Variants in RAD17 observed in about 807,000 individuals in gnomAD.
The protein encoded by RAD17 is RAD17 checkpoint clamp loader component, also known as cell cycle checkpoint protein RAD17.
Under a neutral mutation model 81.5 loss-of-function variants are expected in RAD17, and 31 were observed. The ratio of observed to expected loss-of-function variants is 0.38; its 90% CI spans 0.29 to 0.51. The LOEUF (loss-of-function observed/expected upper bound fraction) is 0.51. Among genes scored for constraint, RAD17 ranks in the 20% least tolerant of loss-of-function variants. RAD17 has a pLI of 0.88. For synonymous variants in RAD17, 261 were observed against 266.2 expected (o/e 0.98, Z 0.19); for missense variants, 681 against 781.2 (o/e 0.87, Z 1.53).
intron 17 of RAD17, among the ~76,000 whole-genome samples, chr5:69,404,927 G>T (rs952787703): frequency 3.9e-5 from 6 of 152,082 alleles, no homozygotes. Context: ...GGGACAGAGT[G>T]AGATGCTGTC....
rs1430991068 is a variant in RAD17 at position 69,414,630 on chromosome 5, T to C, written c.*338T>C. ...AAACGTTATTGGGGGGTTGTAAATA[T>C]CAACTATTCAACAGTTTAGGATGCA... is the stretch of plus-strand genomic sequence containing the variant. On this transcript the variant is annotated 3_prime_UTR_variant, in exon 19 of 19. Coordinates refer to ENST00000354868, the MANE Select transcript of RAD17 (RefSeq NM_133338.3). 3 of 339,322 alleles carry C rather than the reference T, an allele frequency of 8.8e-6. No homozygotes were observed. Among genetic ancestry groups the C allele is most frequent in the South Asian group, 7.6e-5 (2 of 26,378 alleles). The allele number at this position is 339,322 out of a possible 1,614,324, so 21.0% of individuals were successfully genotyped here. A position where few individuals can be genotyped will look rare whatever the true frequency, so the allele number is the denominator to read the frequency against.
At chr5:69,411,869 A>G (rs1401871674) in intron 18 of RAD17, among the ~76,000 whole-genome samples, 2 of 152,224 alleles carry the variant, frequency 1.3e-5, no homozygotes, top group Non-Finnish European at 2.9e-5. Context: ...AGTTGCTGCA[A>G]TTTACACAAG....
At chr5:69,376,733 G>C (rs980462450) in intron 6 of RAD17, among the ~76,000 whole-genome samples, 8 of 150,176 alleles carry the variant, frequency 5.3e-5, no homozygotes, top group Non-Finnish European at 8.9e-5. Flanking sequence ...TGGTGTTTTA[G>C]TTGCTTTGAT....
intron 4 of RAD17, among the ~76,000 whole-genome samples, chr5:69,373,299 G>T (rs1029092016): frequency 1.3e-5 from 2 of 152,072 alleles, no homozygotes; most frequent in African/African-American, 4.8e-5. Flanking sequence ...AAATAAGTTT[G>T]TGTTCTTTAC....
intron 16 of RAD17, 134 bp downstream of exon 16, chr5:69,396,680 A>G: frequency 9.7e-7 from 1 of 1,033,026 alleles, no homozygotes. Context: ...ATAGTTGCTA[A>G]GGTCCACAAT....
chr5:69,375,882 C>T (rs943222320), intron 6 of RAD17, among the ~76,000 whole-genome samples: 1 of 151,408 alleles, frequency 6.6e-6, no homozygotes, highest in African/African-American at 2.4e-5. Flanking sequence ...TTTCTTTTCT[C>T]CAAGGCACTG....
chr5:69,381,474 C>T (rs1253169124), intron 6 of RAD17, among the ~76,000 whole-genome samples: 3 of 149,742 alleles, frequency 2.0e-5, no homozygotes, highest in African/African-American at 7.4e-5. Context: ...GAGCAAGACT[C>T]GTCTCAAAAA....
chr5:69,402,406 C>A (rs995438926), intron 17 of RAD17, among the ~76,000 whole-genome samples: 2 of 151,012 alleles, frequency 1.3e-5, no homozygotes, highest in Non-Finnish European at 2.9e-5. Context: ...TGGTTCACGC[C>A]TGTAATCCCA....
intron 17 of RAD17, among the ~76,000 whole-genome samples, chr5:69,407,164 A>T (rs1765656702): frequency 1.3e-5 from 2 of 151,728 alleles, no homozygotes; most frequent in African/African-American, 4.8e-5. Context: ...CACCACACCC[A>T]GCTAATTTTT....
intron 13 of RAD17, among the ~76,000 whole-genome samples, 163 bp downstream of exon 13, chr5:69,392,176 G>A (rs965760121): frequency 2.6e-5 from 4 of 152,210 alleles, no homozygotes; most frequent in Non-Finnish European, 4.4e-5. Context: ...TAGGAAATCA[G>A]AATATTTTCT....
At chr5:69,389,211 T>C (rs1276821474) in intron 12 of RAD17, 66 bp downstream of exon 12, 3 of 980,884 alleles carry the variant, frequency 3.1e-6, no homozygotes, top group Non-Finnish European at 4.5e-6. Context: ...ATTCATTCAA[T>C]GAAATCAAAC....
intron 17 of RAD17, among the ~76,000 whole-genome samples, chr5:69,409,277 G>T (rs1264066458): frequency 6.6e-6 from 1 of 152,150 alleles, no homozygotes; most frequent in Non-Finnish European, 1.5e-5. Context: ...TGGGACAGGG[G>T]ACAGTGCCTT....
chr5:69,397,389 G>A (rs1452853086), intron 16 of RAD17, among the ~76,000 whole-genome samples: 1 of 152,156 alleles, frequency 6.6e-6, no homozygotes, highest in Middle Eastern at 3.2e-3. Context: ...TGATCTGCCC[G>A]CCTTGGCCTC....
In RAD17 at chr5:69,393,273, C is replaced by A. The variant is rs371864210; in HGVS notation, c.1275+33C>A. On this transcript the variant is annotated intron_variant, in intron 14 of 18. Coordinates refer to ENST00000354868, the MANE Select transcript of RAD17 (RefSeq NM_133338.3). The stretch of plus-strand genomic sequence containing the variant: ...CTTTGATGACACTTAGTATAGGTTA[C>A]AAAGGATATATTATTCGTGTGCATA... 3.8e-5 allele frequency: 60 copies of A among 1,570,690 alleles called. No individual in the cohort carries two copies. In the African/African-American group the frequency reaches 8.2e-4, roughly 21 times the overall value.
chr5:69,403,293 G>C (rs1054438371), intron 17 of RAD17, among the ~76,000 whole-genome samples: 1 of 152,154 alleles, frequency 6.6e-6, no homozygotes, highest in Non-Finnish European at 1.5e-5. Context: ...TGACATTTTA[G>C]AGGGATATAG....
chr5:69,393,058 G>T, intron 13 of RAD17, 97 bp from the exon 14 acceptor site: 1 of 690,516 alleles, frequency 1.4e-6, no homozygotes. Flanking sequence ...TACTATGTTG[G>T]TATTGTATGT....
At chr5:69,391,229 CAAA>C (rs34553672) in intron 12 of RAD17, among the ~76,000 whole-genome samples, 12 of 110,146 alleles carry the variant, frequency 1.1e-4, no homozygotes, top group Non-Finnish European at 1.4e-4. Flanking sequence ...GACTCCATCT[CAAA>C]AAAAAAAAAA....
chr5:69,374,191 A>T, intron 5 of RAD17, 104 bp downstream of exon 5: 1 of 1,056,200 alleles, frequency 9.5e-7, no homozygotes, highest in Non-Finnish European at 1.4e-6. Flanking sequence ...TACTCATAAG[A>T]ATCTTTCTAA....
rs1178512006 is a variant in RAD17 at position 69,393,171 on chromosome 5, A to G, written c.1206A>G (p.Glu402=). ...TTTTTATAGGAGCATCTTTAACAGA[A>G]TTAGACTCACCTCGGTTGCCCTCTC... is the stretch of plus-strand genomic sequence containing the variant. ...ILYCKRASLT[E]LDSPRLPSHL... Residue 402 remains glutamate, a synonymous_variant, in exon 14 of 19, where the codon GAA becomes GAG. Transcript: ENST00000354868. 6.2e-7 allele frequency: 1 copy of G among 1,608,644 alleles called. No homozygotes were observed. Among genetic ancestry groups the G allele is most frequent in the South Asian group, 1.1e-5 (1 of 90,396 alleles).
Sources: allele counts gnomAD v4.1 joint callset (sites outside exome capture counted in the v4.1 genomes callset), GRCh38; gene constraint gnomAD v4.1.1; transcripts MANE v1.5; gene names NCBI Gene and HGNC (gene_info 2026-07-23, HGNC 2026-07-21).